STAG2: variants seen among roughly 807,000 people sequenced by gnomAD.
STAG2 encodes cohesin subunit SA-2.
A neutral mutation model predicts 108.1 loss-of-function variants in STAG2; 14 were observed. The ratio of observed to expected loss-of-function variants is 0.13; its 90% CI spans 0.09 to 0.20. The LOEUF (loss-of-function observed/expected upper bound fraction) is 0.20, where lower values mean the gene tolerates loss of function less well. Ranked by LOEUF, STAG2 falls within the 10% of genes least tolerant of loss-of-function variation. The pLI is 1.00. For synonymous variants in STAG2, 307 were observed against 302.7 expected (o/e 1.01, Z -0.15); for missense variants, 440 against 940.9 (o/e 0.47, Z 6.96).
rs1171063034 is a variant in STAG2, at chrX:124,095,354, T to C, written c.3706-18T>C. ...ATATAGCTAAACTAATGTCAACTTA[T>C]TTCCTTTTTTCCTTTAGCCACCATC... On this transcript the variant is annotated intron_variant, in intron 33 of 34. Coordinates refer to ENST00000371145, the MANE Select transcript of STAG2 (RefSeq NM_001042750.2). The C allele has an allele frequency of 2.5e-6, 3 of 1,185,983 alleles. No homozygotes were observed. Among genetic ancestry groups the C allele is most frequent in the Non-Finnish European group, 3.4e-6 (3 of 872,325 alleles).
intron 5 of STAG2, among the ~76,000 whole-genome samples, chrX:124,033,302 A>G (rs185989856): frequency 8.9e-6 from 1 of 112,525 alleles, no homozygotes; most frequent in African/African-American, 3.2e-5. Flanking sequence ...ATTTTTATCA[A>G]GAGGATAAAT....
At position 124,045,375 on chromosome X, in the gene STAG2, A is replaced by G; in HGVS notation, c.667+7A>G. 9.3e-6 allele frequency: 11 copies of G among 1,176,823 alleles called. No individual in the cohort carries two copies. The highest frequency in any genetic ancestry group is 1.1e-5 in the Non-Finnish European group (10 of 870,050). On this transcript the variant is annotated splice_region_variant and intron_variant, in intron 8 of 34. Transcript: ENST00000371145. Reference sequence around the variant, plus strand: ...CATACAAGCACCCTGGCAGGTCGGTATTTAGAAATATTTTCTGCATATTGT... The same window carrying G: ...CATACAAGCACCCTGGCAGGTCGGTGTTTAGAAATATTTTCTGCATATTGT...
intron 1 of STAG2, among the ~76,000 whole-genome samples, chrX:124,001,421 C>G (rs757269479): frequency 4.0e-4 from 44 of 111,389 alleles, no homozygotes; most frequent in Non-Finnish European, 1.5e-4. Context: ...TCAGTGTCTC[C>G]TAAATGTACA....
intron 20 of STAG2, among the ~76,000 whole-genome samples, chrX:124,065,171 ACTCTT>A (rs200082016): frequency 0.013 from 1,499 of 111,994 alleles, 31 homozygotes; most frequent in African/African-American, 0.046. Context: ...TAATAGCTCT[ACTCTT>A]GGCTGAATAT....
At position 123,984,941 on chromosome X, in the gene STAG2, C is replaced by T. The variant is rs190603886; in HGVS notation, c.-163+23085C>T. Among the ~76,000 whole-genome samples, 160 of 111,869 alleles carry T rather than the reference C, an allele frequency of 1.4e-3. 10 individuals are homozygous for T. The East Asian group carries it at 0.019, about 14-fold the overall frequency. ...TACAGGCACAAGCCACCGTGCCCAG[C>T]TTCTGATTAAAATATTTATAAATAA... On this transcript the variant is annotated intron_variant, in intron 1 of 34. Transcript: ENST00000371145.
At chrX:124,066,560 T>C in intron 23 of STAG2, 124 bp downstream of exon 23, 1 of 479,978 alleles carries the variant, frequency 2.1e-6, no homozygotes, top group Non-Finnish European at 3.5e-6. Flanking sequence ...GTACTGTTAT[T>C]TGTAGTTTGA....
At chrX:123,986,270 T>C (rs374620412) in intron 1 of STAG2, among the ~76,000 whole-genome samples, 3 of 109,441 alleles carry the variant, frequency 2.7e-5, no homozygotes, top group East Asian at 5.7e-4. Flanking sequence ...ATAAACTAAC[T>C]TTATAAAGCT....
rs1244265295 is a variant in STAG2, at chrX:124,067,139, G to C, written c.2265+703G>C. On this transcript the variant is annotated intron_variant, in intron 23 of 34. Transcript: ENST00000371145. ...ATCCTCTTGATAATAAGTTTGTGTT[G>C]CCTAAACCCACAGAATAATGTTAAA... 6.3e-5 allele frequency among the ~76,000 whole-genome samples: 7 copies of C among 111,496 alleles called. No homozygotes were observed. In the South Asian group the frequency reaches 2.6e-3, roughly 42 times the overall value.
intron 29 of STAG2, among the ~76,000 whole-genome samples, chrX:124,085,907 T>C (rs1327551450): frequency 9.0e-6 from 1 of 111,546 alleles, no homozygotes; most frequent in Non-Finnish European, 1.9e-5. Context: ...AATCAGTCAT[T>C]ACAATGACAG....
Position 124,078,019 on chromosome X carries a change from A to G in STAG2, c.2736A>G (p.Lys912=). 1 of 1,199,024 alleles carries G rather than the reference A, an allele frequency of 8.3e-7. No homozygotes were observed. Among genetic ancestry groups the G allele is most frequent in the South Asian group, 1.8e-5 (1 of 54,494 alleles). The part of the protein sequence containing the change: ...ETMSKTRQID[K]IQCAKTLILS... ...TGAGTAAAACAAGGCAGATAGACAAAATTCAGTGTGCTAAGACCCTTATTC... is the reference window on the plus strand; with the variant it reads ...TGAGTAAAACAAGGCAGATAGACAAGATTCAGTGTGCTAAGACCCTTATTC... The change falls in exon 27 of 35, where the codon AAA becomes AAG. Residue 912 remains lysine (K), a synonymous_variant. Transcript: ENST00000371145.
At chrX:124,034,291 C>G (rs1362072180) in intron 5 of STAG2, among the ~76,000 whole-genome samples, 1 of 111,827 alleles carries the variant, frequency 8.9e-6, no homozygotes, top group African/African-American at 3.2e-5. Flanking sequence ...CTCAGCCTCC[C>G]CAGTAAGTGG....
chrX:123,983,216 A>G (rs2054974127), intron 1 of STAG2, among the ~76,000 whole-genome samples: 1 of 109,409 alleles, frequency 9.1e-6, no homozygotes, highest in Non-Finnish European at 1.9e-5. Context: ...AGTAGTTTTT[A>G]GTAAATTACT....
In STAG2 at chrX:124,090,591, T is replaced by C; in HGVS notation, c.3294T>C (p.Ser1098=). Residue 1098 remains serine (S), a synonymous_variant, in exon 31 of 35, where the codon AGT becomes AGC. Transcript: ENST00000371145. ...MQLSLTEESS[S]SDSMWLSREQ... is the part of the protein sequence containing the mutation. ...CTTTTCCAGCTGAAGAAAGTAGTAG[T>C]AGTGACAGTATGTGGTTAAGCAGAG... 8.3e-7 allele frequency: 1 copy of C among 1,206,910 alleles called. No homozygotes were observed. The highest frequency in any genetic ancestry group is 1.1e-6 in the Non-Finnish European group (1 of 893,396).
At chrX:124,086,406 T>A in intron 29 of STAG2, 141 bp from the exon 30 acceptor site, 2 of 459,668 alleles carry the variant, frequency 4.4e-6, no homozygotes, top group Non-Finnish European at 7.4e-6. Flanking sequence ...GTGAAAATCT[T>A]GGCAGAGACA....
At chrX:124,052,959 G>A (rs2058086982) in intron 13 of STAG2, among the ~76,000 whole-genome samples, 1 of 110,453 alleles carries the variant, frequency 9.1e-6, no homozygotes, top group Admixed American at 9.7e-5. Context: ...TGGGATTACA[G>A]GTGCCTGCCA....
chrX:124,088,010 T>C (rs1295377132), intron 30 of STAG2, among the ~76,000 whole-genome samples: 1 of 112,224 alleles, frequency 8.9e-6, no homozygotes, highest in Non-Finnish European at 1.9e-5. Context: ...GTTAAAGTAG[T>C]TAGGGCTGAT....
intron 25 of STAG2, among the ~76,000 whole-genome samples, chrX:124,072,572 AT>A (rs1269105877): frequency 9.0e-6 from 1 of 111,033 alleles, no homozygotes; most frequent in Non-Finnish European, 1.9e-5. Context: ...TTTGACAAAC[AT>A]TTATTGGTCA....
intron 5 of STAG2, among the ~76,000 whole-genome samples, chrX:124,033,589 C>T (rs1386135275): frequency 9.0e-6 from 1 of 110,831 alleles, no homozygotes; most frequent in Non-Finnish European, 1.9e-5. Flanking sequence ...TGGTGAAACC[C>T]AGTCTCTACT....
chrX:124,077,871 C>T (rs984221823), intron 26 of STAG2, 86 bp from the exon 27 acceptor site: 6 of 540,320 alleles, frequency 1.1e-5, no homozygotes, highest in East Asian at 8.2e-5. Flanking sequence ...TACTTTGTGA[C>T]GTGTTTACAT....
Sources: gnomAD v4.1 joint callset for allele counts (sites outside exome capture counted in the v4.1 genomes callset) on GRCh38, gnomAD v4.1.1 for gene constraint, MANE v1.5 for transcripts, NCBI Gene and HGNC (gene_info 2026-07-23, HGNC 2026-07-21) for gene names.